Variants in LRCH1 observed in about 807,000 individuals in gnomAD.
LRCH1 encodes the protein leucine rich repeats and calponin homology domain containing 1, also known as leucine-rich repeat and calponin homology domain-containing protein 1.
In LRCH1, 23 loss-of-function variants were observed where a neutral mutation model predicts 94.9. That is an observed-to-expected ratio of 0.24 (90% CI 0.17 to 0.34). The LOEUF is 0.34. LRCH1 is among the 10% of genes least tolerant of loss of function. The pLI is 1.00. For missense variants in LRCH1, 790 were observed against 945.9 expected, an observed-to-expected ratio of 0.84 and a Z score of 2.16; for synonymous variants, 364 against 354.9, an observed-to-expected ratio of 1.03 and a Z score of -0.29.
intron 3 of LRCH1, among the ~76,000 whole-genome samples, chr13:46,674,859 G>C (rs949345731): frequency 2.6e-5 from 4 of 152,150 alleles, no homozygotes; most frequent in Non-Finnish European, 5.9e-5. Context: ...TTTAATCAGC[G>C]TCCTCACCAC....
At chr13:46,704,682 C>T (rs1217279280) in intron 11 of LRCH1, among the ~76,000 whole-genome samples, 1 of 151,426 alleles carries the variant, frequency 6.6e-6, no homozygotes, top group Non-Finnish European at 1.5e-5. Context: ...TGTATATCTC[C>T]CTATTAAAAC....
chr13:46,614,268 C>T (rs1279606803), intron 1 of LRCH1, among the ~76,000 whole-genome samples: 1 of 152,120 alleles, frequency 6.6e-6, no homozygotes, highest in East Asian at 1.9e-4. Flanking sequence ...CCCCATTTTC[C>T]CTGCCCCTCC....
chr13:46,636,307 A>G (rs1273172714), intron 1 of LRCH1, among the ~76,000 whole-genome samples: 1 of 151,562 alleles, frequency 6.6e-6, no homozygotes, highest in Non-Finnish European at 1.5e-5. Flanking sequence ...CCTGACCTCA[A>G]GTGATCCACC....
intron 17 of LRCH1, among the ~76,000 whole-genome samples, chr13:46,726,881 A>AAAAAAAAAAC: frequency 6.6e-6 from 1 of 151,062 alleles, no homozygotes; most frequent in Admixed American, 6.6e-5. Flanking sequence ...AAAAAAAAAA[A>AAAAAAAAAAC]AAAAGGCAAC....
At chr13:46,727,957 A>C (rs539684393) in intron 17 of LRCH1, among the ~76,000 whole-genome samples, 3 of 151,024 alleles carry the variant, frequency 2.0e-5, no homozygotes, top group Non-Finnish European at 2.9e-5. Flanking sequence ...CACTCTGTCA[A>C]CCAGGTTGGA....
Position 46,733,730 on chromosome 13 carries a change from T to G in LRCH1, c.2008-191T>G, listed in dbSNP as rs565751272. ...GTCTGGAAGAATAGAATCTAAAATA[T>G]TAACAGTTTTTAATCTAAGATGGAT... On this transcript the variant is annotated intron_variant, in intron 18 of 19. Coordinates refer to ENST00000389797, the MANE Select transcript of LRCH1 (RefSeq NM_001164211.2). Among the ~76,000 whole-genome samples the G allele has an allele frequency of 4.6e-5, 7 of 152,270 alleles. No homozygotes were observed. The South Asian group carries it at 8.3e-4, about 18-fold the overall frequency.
In LRCH1 at chr13:46,603,002, A is replaced by ACATACATACATG. The variant is rs1321613537; in HGVS notation, c.308-47196_308-47195insACATACATGCAT. ...TGCATACATACATACATACATACAT[A>ACATACATACATG]CATGTAAATAATTAAATAACTCATT... On this transcript the variant is annotated intron_variant, in intron 1 of 19. Transcript: ENST00000389797. 4.8e-3 allele frequency among the ~76,000 whole-genome samples: 722 copies of ACATACATACATG among 151,728 alleles called. 6 individuals are homozygous for ACATACATACATG. The highest frequency in any genetic ancestry group is 0.016 in the African/African-American group (677 of 41,242).
intron 11 of LRCH1, 23 bp downstream of exon 11, chr13:46,701,230 G>A (rs773716495): frequency 1.3e-6 from 2 of 1,513,534 alleles, no homozygotes; most frequent in Middle Eastern, 1.7e-4. Flanking sequence ...CCTTGGTCCA[G>A]GTTTCATGTG....
At chr13:46,573,866 A>ATATATATATTTTTT in intron 1 of LRCH1, among the ~76,000 whole-genome samples, 2 of 63,394 alleles carry the variant, frequency 3.2e-5, no homozygotes, top group South Asian at 6.7e-4. Context: ...ATATATATAT[A>ATATATATATTTTTT]TTTTTTTTTT....
intron 1 of LRCH1, among the ~76,000 whole-genome samples, chr13:46,646,560 GTTTTTA>G (rs1425644575): frequency 6.6e-6 from 1 of 152,074 alleles, no homozygotes; most frequent in Non-Finnish European, 1.5e-5. Flanking sequence ...AACTGTTTTT[GTTTTTA>G]AACACTTATA....
At chr13:46,562,320 T>C (rs1162460411) in intron 1 of LRCH1, among the ~76,000 whole-genome samples, 3 of 152,232 alleles carry the variant, frequency 2.0e-5, no homozygotes, top group Non-Finnish European at 4.4e-5. Context: ...AAATTAATTT[T>C]CCCATAGCTC....
intron 1 of LRCH1, among the ~76,000 whole-genome samples, chr13:46,621,819 G>A (rs1480534425): frequency 2.0e-5 from 3 of 151,912 alleles, no homozygotes; most frequent in African/African-American, 7.2e-5. Flanking sequence ...TTTGTATATT[G>A]TATTATAACA....
chr13:46,603,338 C>T (rs2050652064), intron 1 of LRCH1, among the ~76,000 whole-genome samples: 1 of 152,052 alleles, frequency 6.6e-6, no homozygotes, highest in Admixed American at 6.6e-5. Context: ...AAATCTCTGT[C>T]AGCCCCATTC....
intron 5 of LRCH1, 123 bp from the exon 6 acceptor site, chr13:46,687,729 A>T: frequency 1.5e-6 from 1 of 651,758 alleles, no homozygotes; most frequent in Non-Finnish European, 2.5e-6. Flanking sequence ...GATTTAGTGT[A>T]CATTGGTAGG....
chr13:46,634,168 G>A lies in LRCH1; in HGVS notation c.308-16033G>A, dbSNP rs182732591. Among the ~76,000 whole-genome samples, 588 of 152,228 alleles carry A rather than the reference G, an allele frequency of 3.9e-3. 4 individuals are homozygous for A. The highest frequency in any genetic ancestry group is 4.9e-3 in the Non-Finnish European group (335 of 67,988). On this transcript the variant is annotated intron_variant, in intron 1 of 19. Transcript: ENST00000389797. ...GCTGGGATTACAGGCGTGAGCCACC[G>A]CGCCCAGCCTTTCCTGCATTTCTTT...
chr13:46,637,795 TCACC>T, intron 1 of LRCH1, among the ~76,000 whole-genome samples: 1 of 152,212 alleles, frequency 6.6e-6, no homozygotes, highest in African/African-American at 2.4e-5. Context: ...TGTGTTTGTA[TCACC>T]CCACTGGAGG....
At chr13:46,681,566 A>G (rs548306941) in intron 3 of LRCH1, among the ~76,000 whole-genome samples, 175 bp from the exon 4 acceptor site, 2 of 152,264 alleles carry the variant, frequency 1.3e-5, no homozygotes, top group African/African-American at 4.8e-5. Context: ...GGGAGTTTAA[A>G]ATGTTCAGCT....
At position 46,562,900 on chromosome 13, in the gene LRCH1, T is replaced by C. The variant is rs539459864; in HGVS notation, c.307+9197T>C. ...TGTAAAATGGTAAGAGAGCCACATA[T>C]ACACTTACAAATGGATGACTCCGGC... On this transcript the variant is annotated intron_variant, in intron 1 of 19. Transcript: ENST00000389797. Among the ~76,000 whole-genome samples, 118 of 152,336 alleles carry C rather than the reference T, an allele frequency of 7.7e-4. 1 individual carries two copies. Among genetic ancestry groups the C allele is most frequent in the African/African-American group, 2.6e-3 (108 of 41,586 alleles).
At chr13:46,561,801 C>T (rs1211302551) in intron 1 of LRCH1, among the ~76,000 whole-genome samples, 2 of 152,018 alleles carry the variant, frequency 1.3e-5, no homozygotes, top group Non-Finnish European at 2.9e-5. Context: ...TCTACTGACC[C>T]CACTCTCATT....
Sources: gnomAD v4.1 joint callset for allele counts (sites outside exome capture counted in the v4.1 genomes callset) on GRCh38, gnomAD v4.1.1 for gene constraint, MANE v1.5 for transcripts, NCBI Gene and HGNC (gene_info 2026-07-23, HGNC 2026-07-21) for gene names.